PLEKHA8: variants seen among roughly 807,000 people sequenced by gnomAD.
PLEKHA8 encodes pleckstrin homology domain containing A8.
A neutral mutation model predicts 68.2 loss-of-function variants in PLEKHA8; 36 were observed. The observed-to-expected ratio is 0.53, with a 90% CI of 0.40 to 0.70. The LOEUF (loss-of-function observed/expected upper bound fraction) is 0.70, where lower values mean the gene tolerates loss of function less well. Ranked by LOEUF, PLEKHA8 falls within the 30% of genes least tolerant of loss-of-function variation. The pLI, the probability that PLEKHA8 is intolerant of heterozygous loss-of-function variation, is 0.00. For missense variants in PLEKHA8, 505 were observed against 615.4 expected, an observed-to-expected ratio of 0.82 and a Z score of 1.90; for synonymous variants, 211 against 216.1, an observed-to-expected ratio of 0.98 and a Z score of 0.20.
chr7:30,056,791 A>G (rs1271980929), intron 9 of PLEKHA8, among the ~76,000 whole-genome samples: 9 of 139,982 alleles, frequency 6.4e-5, no homozygotes, highest in African/African-American at 2.1e-4. Context: ...GTGTGTATAT[A>G]TATATGTTAT....
At chr7:30,074,268 G>GTA (rs920289962) in intron 13 of PLEKHA8, 136 bp downstream of exon 13, 5 of 652,326 alleles carry the variant, frequency 7.7e-6, no homozygotes, top group Admixed American at 3.2e-5. Context: ...GTGTGTGTGT[G>GTA]TGTGTATGTG....
chr7:30,107,855 G>A (rs1019037196), intron 13 of PLEKHA8, among the ~76,000 whole-genome samples: 3 of 151,972 alleles, frequency 2.0e-5, no homozygotes, highest in Non-Finnish European at 4.4e-5. Flanking sequence ...GATCACCTGA[G>A]GTCAGGAGTT....
Position 30,033,893 on chromosome 7 carries a change from G to T in PLEKHA8, c.40+5091G>T, listed in dbSNP as rs567438957. Reference sequence around the variant, plus strand: ...TTGATTTATATTTCTCTGACTTAATGATGTTGATTATCTTTTTATATGCTG... The same window carrying T: ...TTGATTTATATTTCTCTGACTTAATTATGTTGATTATCTTTTTATATGCTG... On this transcript the variant is annotated intron_variant, in intron 1 of 13. Transcript: ENST00000449726. Among the ~76,000 whole-genome samples the T allele has an allele frequency of 4.0e-5, 6 of 150,868 alleles. No homozygotes were observed. In the South Asian group the frequency reaches 1.3e-3, roughly 32 times the overall value.
chr7:30,108,631 C>G (rs1275797209), intron 13 of PLEKHA8, among the ~76,000 whole-genome samples: 1 of 152,010 alleles, frequency 6.6e-6, no homozygotes, highest in Non-Finnish European at 1.5e-5. Flanking sequence ...TGCAGTTTGT[C>G]TATGTTTTCA....
At chr7:30,119,030 G>A (rs995861669) in intron 13 of PLEKHA8, among the ~76,000 whole-genome samples, 6 of 152,162 alleles carry the variant, frequency 3.9e-5, no homozygotes, top group Non-Finnish European at 7.3e-5. Context: ...GTGGCCTGAG[G>A]GGCATTGGCC....
At chr7:30,116,376 T>C (rs577680923) in intron 13 of PLEKHA8, among the ~76,000 whole-genome samples, 1 of 152,138 alleles carries the variant, frequency 6.6e-6, no homozygotes, top group East Asian at 1.9e-4. Flanking sequence ...TGAATATCTG[T>C]TTACATGTGC....
chr7:30,044,914 G>A (rs899525713), intron 1 of PLEKHA8, among the ~76,000 whole-genome samples, 171 bp from the exon 2 acceptor site: 1 of 152,082 alleles, frequency 6.6e-6, no homozygotes. Flanking sequence ...TACAAAAATG[G>A]GATAAAACAT....
intron 13 of PLEKHA8, among the ~76,000 whole-genome samples, chr7:30,099,132 G>T (rs1795751234): frequency 6.6e-6 from 1 of 152,144 alleles, no homozygotes; most frequent in South Asian, 2.1e-4. Flanking sequence ...CAGAAAACAA[G>T]ATATTTAATC....
At chr7:30,074,169 T>C (rs768786742) in intron 13 of PLEKHA8, 37 bp downstream of exon 13, 145 of 1,568,178 alleles carry the variant, frequency 9.2e-5, no homozygotes, top group Non-Finnish European at 1.2e-4. Flanking sequence ...ATTAACTGTA[T>C]TGGGTATGCC....
At chr7:30,050,338 T>C in intron 5 of PLEKHA8, 96 bp from the exon 6 acceptor site, 3 of 1,446,960 alleles carry the variant, frequency 2.1e-6, no homozygotes, top group Non-Finnish European at 2.8e-6. Flanking sequence ...TTTATGGTCA[T>C]ATGGTCATAT....
At position 30,063,083 on chromosome 7, in the gene PLEKHA8, A is replaced by G. The variant is rs1445905421; in HGVS notation, c.1300+341A>G. The stretch of plus-strand genomic sequence containing the variant: ...TATTATAGTCTTTGAAAATCAGTAT[A>G]CAAAGAAAAGCTTGAACACCATAAC... On this transcript the variant is annotated intron_variant, in intron 12 of 13. Transcript: ENST00000449726. 2.6e-5 allele frequency among the ~76,000 whole-genome samples: 4 copies of G among 152,248 alleles called. No individual in the cohort carries two copies. In the East Asian group the frequency reaches 5.8e-4, roughly 22 times the overall value.
intron 13 of PLEKHA8, among the ~76,000 whole-genome samples, chr7:30,111,565 T>C (rs933963427): frequency 6.6e-6 from 1 of 152,176 alleles, no homozygotes; most frequent in Non-Finnish European, 1.5e-5. Flanking sequence ...TCTACATTCT[T>C]GGGTTTGCAT....
rs773416064 is a variant in PLEKHA8 at position 30,074,094 on chromosome 7, C to A, written c.1324C>A (p.Arg442=). The A allele has an allele frequency of 8.1e-6, 13 of 1,612,482 alleles. No homozygotes were observed. The highest frequency in any genetic ancestry group is 1.1e-5 in the South Asian group (1 of 91,000). Residue 442 remains arginine (R), a synonymous_variant, in exon 13 of 14, where the codon CGG becomes AGG. Coordinates refer to ENST00000449726, the MANE Select transcript of PLEKHA8 (RefSeq NM_001197026.2). ...AGATAATGCATATGGTAAAACATTG[C>A]GGCAACACCATGGCTGGGTAGTTCG... ...ALNNAYGKTL[R]QHHGWVVRGV...
intron 13 of PLEKHA8, among the ~76,000 whole-genome samples, chr7:30,077,543 A>C (rs111312685): frequency 3.9e-5 from 6 of 152,318 alleles, no homozygotes; most frequent in African/African-American, 1.4e-4. Context: ...TCTATAAATA[A>C]GGAAACTGAG....
At chr7:30,118,778 C>T (rs1217440364) in intron 13 of PLEKHA8, among the ~76,000 whole-genome samples, 19 of 152,096 alleles carry the variant, frequency 1.2e-4, no homozygotes, top group Non-Finnish European at 7.4e-5. Context: ...GGGGTTTCAC[C>T]GTGTTAGCCA....
chr7:30,036,446 AG>A (rs1791099803), intron 1 of PLEKHA8, among the ~76,000 whole-genome samples: 1 of 150,700 alleles, frequency 6.6e-6, no homozygotes, highest in Non-Finnish European at 1.5e-5. Context: ...ATAGATAGAT[AG>A]ATAGATAGAT....
At chr7:30,107,606 A>G (rs1052490810) in intron 13 of PLEKHA8, among the ~76,000 whole-genome samples, 1 of 152,174 alleles carries the variant, frequency 6.6e-6, no homozygotes, top group Non-Finnish European at 1.5e-5. Context: ...GCCATAGAAG[A>G]TAATCTTATT....
At chr7:30,060,649 A>G (rs1406796454) in intron 9 of PLEKHA8, among the ~76,000 whole-genome samples, 1 of 152,104 alleles carries the variant, frequency 6.6e-6, no homozygotes, top group Non-Finnish European at 1.5e-5. Flanking sequence ...AACTTATAAG[A>G]TTATCTTCAT....
chr7:30,104,692 G>A (rs1343422243), intron 13 of PLEKHA8, among the ~76,000 whole-genome samples: 1 of 146,428 alleles, frequency 6.8e-6, no homozygotes, highest in African/African-American at 2.5e-5. Context: ...GATGGGTGTT[G>A]AGTGGTAAAG....
Sources: allele counts gnomAD v4.1 joint callset (sites outside exome capture counted in the v4.1 genomes callset), GRCh38; gene constraint gnomAD v4.1.1; transcripts MANE v1.5; gene names NCBI Gene and HGNC (gene_info 2026-07-23, HGNC 2026-07-21).